SEMA5A: variants seen among roughly 807,000 people sequenced by gnomAD.
SEMA5A encodes the protein semaphorin 5A.
Under a neutral mutation model 135.5 loss-of-function variants are expected in SEMA5A, and 55 were observed. The observed-to-expected ratio is 0.41, with a 90% CI of 0.33 to 0.51. The LOEUF (loss-of-function observed/expected upper bound fraction) is 0.51. SEMA5A is among the 20% of genes least tolerant of loss of function. The probability of loss-of-function intolerance (pLI) is 0.37; values close to 1 mark genes in which losing one functional copy is unlikely to be tolerated. For missense variants in SEMA5A, 1,290 were observed against 1,419.9 expected, an observed-to-expected ratio of 0.91 and a Z score of 1.47; for synonymous variants, 580 against 546.5, an observed-to-expected ratio of 1.06 and a Z score of -0.85.
intron 11 of SEMA5A, among the ~76,000 whole-genome samples, chr5:9,182,291 C>G (rs1013751879): frequency 6.6e-6 from 1 of 152,022 alleles, no homozygotes; most frequent in Non-Finnish European, 1.5e-5. Context: ...TATCAACTGT[C>G]CAAACCAAAA....
At chr5:9,120,990 C>T (rs184574187) in intron 14 of SEMA5A, among the ~76,000 whole-genome samples, 90 of 152,166 alleles carry the variant, frequency 5.9e-4, no homozygotes, top group African/African-American at 2.2e-3. Context: ...GTTGGTCAGG[C>T]TGGTTTTGAA....
intron 8 of SEMA5A, among the ~76,000 whole-genome samples, chr5:9,203,073 C>T (rs910943568): frequency 7.2e-5 from 11 of 152,174 alleles, no homozygotes; most frequent in African/African-American, 2.7e-4. Flanking sequence ...TTACATACAG[C>T]ATTTGAAGTT....
At chr5:9,294,845 G>A (rs1751253232) in intron 5 of SEMA5A, among the ~76,000 whole-genome samples, 1 of 151,900 alleles carries the variant, frequency 6.6e-6, no homozygotes, top group Admixed American at 6.6e-5. Flanking sequence ...CTTTCACTTG[G>A]TCTGTTTTCC....
At chr5:9,249,926 C>A (rs1748686150) in intron 5 of SEMA5A, among the ~76,000 whole-genome samples, 1 of 152,170 alleles carries the variant, frequency 6.6e-6, no homozygotes, top group Admixed American at 6.5e-5. Context: ...TTGGAGAGGT[C>A]TCTGGCTACA....
In SEMA5A at chr5:9,191,408, A is replaced by G. The variant is rs547590934; in HGVS notation, c.1069-937T>C. On this transcript the variant is annotated intron_variant, in intron 10 of 22. Coordinates refer to ENST00000382496, the MANE Select transcript of SEMA5A (RefSeq NM_003966.3). ...CTTTCTTAGAGCCAAGCTCAGAATC[A>G]GAAACTACTACCAATCCTTCTCATG... Among the ~76,000 whole-genome samples the G allele has an allele frequency of 1.2e-3, 187 of 152,346 alleles. 1 individual carries two copies. The highest frequency in any genetic ancestry group is 4.4e-3 in the African/African-American group (184 of 41,594).
chr5:9,093,518 C>T (rs113069382), intron 16 of SEMA5A, among the ~76,000 whole-genome samples: 5,478 of 151,860 alleles, frequency 0.036, 294 homozygotes, highest in African/African-American at 0.11. Flanking sequence ...ACCAGCCTGA[C>T]GAATATGGTG....
intron 12 of SEMA5A, among the ~76,000 whole-genome samples, chr5:9,141,494 A>G (rs537843233): frequency 6.6e-6 from 1 of 152,200 alleles, no homozygotes; most frequent in Non-Finnish European, 1.5e-5. Context: ...CTCATTTTAC[A>G]TATTACCCTG....
rs1013220048 is a variant in SEMA5A at position 9,122,891 on chromosome 5, A to G, written c.1600-54T>C. ...AGAAAAGGTTAAAGCTGAACACATA[A>G]TGGAGTAAAAATTAAAAATCCCTCA... is the stretch of plus-strand genomic sequence containing the variant. On this transcript the variant is annotated intron_variant, in intron 13 of 22. Coordinates refer to ENST00000382496, the MANE Select transcript of SEMA5A (RefSeq NM_003966.3). 9.2e-6 allele frequency: 13 copies of G among 1,415,112 alleles called. No individual in the cohort carries two copies. In the African/African-American group the frequency reaches 1.7e-4, roughly 19 times the overall value. The allele number at this position is 1,415,112 out of a possible 1,614,324, so 87.7% of individuals were successfully genotyped here.
At chr5:9,427,790 G>C (rs1049502667) in intron 2 of SEMA5A, among the ~76,000 whole-genome samples, 3 of 152,096 alleles carry the variant, frequency 2.0e-5, no homozygotes, top group African/African-American at 7.2e-5. Context: ...TCCTCTAGTA[G>C]GTGGATCCTT....
intron 5 of SEMA5A, among the ~76,000 whole-genome samples, chr5:9,315,137 C>T (rs1289091948): frequency 1.3e-5 from 2 of 152,146 alleles, no homozygotes; most frequent in East Asian, 1.9e-4. Context: ...ATTTGGACAT[C>T]ATGTCAGTAA....
chr5:9,222,244 T>C (rs1227438763), intron 8 of SEMA5A, among the ~76,000 whole-genome samples: 5 of 152,092 alleles, frequency 3.3e-5, no homozygotes, highest in Non-Finnish European at 7.4e-5. Flanking sequence ...CAGAACCTAG[T>C]GTGGTTAGAG....
chr5:9,310,668 A>G (rs1752084311), intron 5 of SEMA5A, among the ~76,000 whole-genome samples: 1 of 151,772 alleles, frequency 6.6e-6, no homozygotes, highest in African/African-American at 2.4e-5. Flanking sequence ...ATGACCCATT[A>G]GAGAGGGTAT....
intron 8 of SEMA5A, among the ~76,000 whole-genome samples, chr5:9,208,501 G>A (rs918471717): frequency 6.6e-5 from 10 of 152,210 alleles, no homozygotes; most frequent in Non-Finnish European, 1.3e-4. Context: ...GAGGACAAGG[G>A]TATGGAGGGC....
At chr5:9,105,575 TAAAGA>T (rs1277343908) in intron 16 of SEMA5A, among the ~76,000 whole-genome samples, 1 of 152,038 alleles carries the variant, frequency 6.6e-6, no homozygotes, top group African/African-American at 2.4e-5. Context: ...GGATAACAAT[TAAAGA>T]AATGAGACTA....
At chr5:9,162,621 T>C (rs1267562735) in intron 11 of SEMA5A, among the ~76,000 whole-genome samples, 2 of 149,014 alleles carry the variant, frequency 1.3e-5, no homozygotes, top group Admixed American at 6.7e-5. Flanking sequence ...TCTTCCTTAA[T>C]GTAAGAAATG....
intron 3 of SEMA5A, among the ~76,000 whole-genome samples, chr5:9,356,752 C>T (rs767408712): frequency 2.6e-4 from 39 of 152,128 alleles, no homozygotes; most frequent in African/African-American, 8.2e-4. Context: ...ATCATACCCA[C>T]GAATTAACAT....
At chr5:9,241,998 T>C (rs1446541316) in intron 5 of SEMA5A, among the ~76,000 whole-genome samples, 1 of 152,222 alleles carries the variant, frequency 6.6e-6, no homozygotes, top group Non-Finnish European at 1.5e-5. Context: ...AAAACTAGTT[T>C]AATTACACAA....
intron 4 of SEMA5A, among the ~76,000 whole-genome samples, chr5:9,320,851 G>A (rs889195560): frequency 6.6e-6 from 1 of 152,186 alleles, no homozygotes; most frequent in Non-Finnish European, 1.5e-5. Flanking sequence ...CTTTCACCCA[G>A]TGTGACCTTG....
intron 1 of SEMA5A, among the ~76,000 whole-genome samples, chr5:9,500,407 C>T (rs1183720843): frequency 6.6e-6 from 1 of 152,176 alleles, no homozygotes; most frequent in South Asian, 2.1e-4. Context: ...TCTGGCAAAA[C>T]AGCAAACCTT....
Sources: gnomAD v4.1 joint callset for allele counts (sites outside exome capture counted in the v4.1 genomes callset) on GRCh38, gnomAD v4.1.1 for gene constraint, MANE v1.5 for transcripts, NCBI Gene and HGNC (gene_info 2026-07-23, HGNC 2026-07-21) for gene names.